The following PARP1 variants were observed in gnomAD, a reference collection of about 807,000 sequenced individuals.
PARP1 encodes poly [ADP-ribose] polymerase 1.
PARP1 carries 44 observed loss-of-function variants against 118.7 expected under a neutral mutation model. The observed-to-expected ratio is 0.37, with a 90% CI of 0.29 to 0.48. The LOEUF is 0.48. Ranked by LOEUF, PARP1 falls within the 20% of genes least tolerant of loss-of-function variation. The probability of loss-of-function intolerance (pLI) is 0.99; values close to 1 mark genes in which losing one functional copy is unlikely to be tolerated. For synonymous variants in PARP1, 492 were observed against 483.2 expected, an observed-to-expected ratio of 1.02 and a Z score of -0.24; for missense variants, 1,100 against 1,272.4, an observed-to-expected ratio of 0.86 and a Z score of 2.06.
intron 1 of PARP1, among the ~76,000 whole-genome samples, chr1:226,406,987 G>C (rs1165837183): frequency 1.3e-5 from 2 of 152,166 alleles, no homozygotes; most frequent in Non-Finnish European, 2.9e-5. Flanking sequence ...GGGCAGATGA[G>C]AACCAGAATT....
At chr1:226,385,725 CA>C (rs772691437) in intron 6 of PARP1, 45 bp from the exon 7 acceptor site, 3 of 1,523,802 alleles carry the variant, frequency 2.0e-6, no homozygotes, top group East Asian at 2.3e-5. Context: ...TGCGGGACTA[CA>C]AAAAAGGACA....
intron 5 of PARP1, among the ~76,000 whole-genome samples, chr1:226,388,188 T>C (rs1271866671): frequency 6.6e-6 from 1 of 152,258 alleles, no homozygotes; most frequent in African/African-American, 2.4e-5. Context: ...TATCAGTCTA[T>C]TCCTTTTTTA....
rs776191367 is a variant in PARP1, at chr1:226,386,398, T to C, written c.762A>G (p.Lys254=). ...CCTTCAGGTCATTAGTTGAACACAC[T>C]TTCTTTAGCTCGTCCTTGATGTTCC... ...LIWNIKDELK[K]VCSTNDLKEL... is the part of the protein sequence containing the mutation. The change falls in exon 6 of 23, where the codon AAA becomes AAG. Residue 254 remains lysine (K), a synonymous_variant. Transcript: ENST00000366794. The C allele has an allele frequency of 6.2e-6, 10 of 1,613,980 alleles. No homozygotes were observed. In the Admixed American group the frequency reaches 1.5e-4, roughly 24 times the overall value.
chr1:226,407,308 TTAAAA>T (rs945152482), intron 1 of PARP1, among the ~76,000 whole-genome samples: 4 of 151,204 alleles, frequency 2.6e-5, no homozygotes, highest in African/African-American at 4.9e-5. Context: ...TTCTGCCTAA[TTAAAA>T]TAAAAAATGA....
chr1:226,378,199 G>A (rs372310067), intron 12 of PARP1, among the ~76,000 whole-genome samples: 3 of 151,978 alleles, frequency 2.0e-5, no homozygotes, highest in Non-Finnish European at 2.9e-5. Flanking sequence ...CACAATCAAC[G>A]TTAGAATTTA....
chr1:226,364,363 G>T, intron 19 of PARP1: 1 of 395,536 alleles, frequency 2.5e-6, no homozygotes, highest in African/African-American at 2.1e-5. Context: ...CATGAGGACG[G>T]AATGAGCTCA....
intron 8 of PARP1, 106 bp from the exon 9 acceptor site, chr1:226,381,314 G>A (rs1664602161): frequency 7.4e-7 from 1 of 1,356,412 alleles, no homozygotes; most frequent in Admixed American, 1.7e-5. Flanking sequence ...CCTGGGAAAA[G>A]CCTATGAAAA....
chr1:226,390,279 G>A, intron 4 of PARP1, 131 bp downstream of exon 4: 1 of 830,588 alleles, frequency 1.2e-6, no homozygotes, highest in Non-Finnish European at 2.0e-6. Flanking sequence ...CCATTCCTCA[G>A]TTTGCATCTC....
At chr1:226,388,034 C>T (rs1222433351) in intron 5 of PARP1, among the ~76,000 whole-genome samples, 1 of 152,192 alleles carries the variant, frequency 6.6e-6, no homozygotes, top group African/African-American at 2.4e-5. Context: ...TCAAGAGAGA[C>T]CAACTGTTCT....
At chr1:226,401,464 G>A (rs547135648) in intron 2 of PARP1, among the ~76,000 whole-genome samples, 60 of 152,332 alleles carry the variant, frequency 3.9e-4, no homozygotes, top group Non-Finnish European at 7.3e-4. Flanking sequence ...GTTAAGAAAC[G>A]GGGTGGTAAC....
At chr1:226,394,642 G>A (rs895865050) in intron 2 of PARP1, among the ~76,000 whole-genome samples, 1 of 152,168 alleles carries the variant, frequency 6.6e-6, no homozygotes, top group Non-Finnish European at 1.5e-5. Flanking sequence ...GGCTGGGTGC[G>A]GTAGCTCACG....
Position 226,379,217 on chromosome 1 carries a change from A to C in PARP1, c.1670T>G (p.Leu557Arg). The change falls in exon 12 of 23, where the codon CTT becomes CGT. Residue 557 changes from leucine (L) to arginine (R), a missense_variant. This residue lies in a region of PARP1 where 948 missense variants were observed against 1,031.8 expected (regional missense o/e 0.92). Coordinates refer to ENST00000366794, the MANE Select transcript of PARP1 (RefSeq NM_001618.4). ...TCCTTTAACGATGTCCACCAGGCCA[A>C]GGGTGGCACTGAAGACCTTCCCACC... ...EKGGKVFSAT[L>R]GLVDIVKGTN... 1 of 1,614,162 alleles carries C rather than the reference A, an allele frequency of 6.2e-7. No individual in the cohort carries two copies.
At chr1:226,392,158 C>A (rs770740024) in intron 3 of PARP1, 41 bp downstream of exon 3, 1 of 1,274,858 alleles carries the variant, frequency 7.8e-7, no homozygotes, top group South Asian at 1.2e-5. Flanking sequence ...TCATTGCAAG[C>A]AATCCATAAA....
At position 226,408,020 on chromosome 1, in the gene PARP1, C is replaced by G; in HGVS notation, c.-91G>C. ...CGCCGCCTCGCGTGCGCTCACCCAG[C>G]CGCAGGCGCCTGAGCGGCCAGAGCC... On this transcript the variant is annotated 5_prime_UTR_variant, in exon 1 of 23. Transcript: ENST00000366794. The G allele has an allele frequency of 5.7e-6, 9 of 1,580,562 alleles. No individual in the cohort carries two copies. The highest frequency in any genetic ancestry group is 7.7e-6 in the Non-Finnish European group (9 of 1,161,752).
chr1:226,375,540 A>G (rs1203685627), intron 13 of PARP1, among the ~76,000 whole-genome samples: 1 of 152,232 alleles, frequency 6.6e-6, no homozygotes, highest in Non-Finnish European at 1.5e-5. Context: ...CCAATACAGT[A>G]GCCACTGGCC....
intron 2 of PARP1, among the ~76,000 whole-genome samples, chr1:226,397,511 C>A (rs1008733516): frequency 6.6e-6 from 1 of 152,178 alleles, no homozygotes; most frequent in African/African-American, 2.4e-5. Flanking sequence ...CACTAAATCT[C>A]CTATCAAATT....
At chr1:226,369,567 T>G (rs900658975) in intron 15 of PARP1, among the ~76,000 whole-genome samples, 60 of 152,268 alleles carry the variant, frequency 3.9e-4, no homozygotes, top group African/African-American at 1.4e-3. Flanking sequence ...AGTATGCGGG[T>G]CCACTTATAC....
At chr1:226,362,681 T>C (rs562959124) in intron 21 of PARP1, among the ~76,000 whole-genome samples, 38 of 152,314 alleles carry the variant, frequency 2.5e-4, no homozygotes, top group Non-Finnish European at 4.9e-4. Context: ...GGCACTACTA[T>C]GTCACGAGAG....
At chr1:226,361,616 T>C (rs1664141131) in intron 22 of PARP1, 75 bp from the exon 23 acceptor site, 3 of 1,086,986 alleles carry the variant, frequency 2.8e-6, no homozygotes, top group Non-Finnish European at 4.3e-6. Flanking sequence ...TCCCCCAGGC[T>C]GGCAGGACGC....
Sources: allele counts gnomAD v4.1 joint callset (sites outside exome capture counted in the v4.1 genomes callset), GRCh38; gene constraint gnomAD v4.1.1; regional missense constraint gnomAD v4.1.1; transcripts MANE v1.5; gene names NCBI Gene and HGNC (gene_info 2026-07-23, HGNC 2026-07-21).